Variants in TTC21B observed in about 807,000 individuals in gnomAD.
TTC21B encodes the protein tetratricopeptide repeat domain 21B, also known as tetratricopeptide repeat protein 21B.
In TTC21B, 127 loss-of-function variants were observed where a neutral mutation model predicts 175.1. The observed-to-expected ratio is 0.73, with a 90% CI of 0.63 to 0.84. The LOEUF is 0.84. TTC21B is among the 40% of genes least tolerant of loss of function. TTC21B has a pLI of 0.00. For synonymous variants in TTC21B, 524 were observed against 524.5 expected (o/e 1.00, Z 0.01); for missense variants, 1,561 against 1,558.3 (o/e 1.00, Z -0.03).
chr2:165,896,104 C>T (rs183933465), intron 22 of TTC21B, among the ~76,000 whole-genome samples: 8 of 95,752 alleles, frequency 8.4e-5, no homozygotes, highest in East Asian at 3.4e-4. Flanking sequence ...AGGATTGCCA[C>T]CTCTGTGTCT....
intron 27 of TTC21B, among the ~76,000 whole-genome samples, chr2:165,876,659 T>C (rs1047258150): frequency 6.6e-6 from 1 of 152,178 alleles, no homozygotes; most frequent in African/African-American, 2.4e-5. Flanking sequence ...TTGCATTCTA[T>C]TAGGAGAAAA....
At chr2:165,878,985 A>G (rs1684759055) in intron 27 of TTC21B, among the ~76,000 whole-genome samples, 1 of 152,080 alleles carries the variant, frequency 6.6e-6, no homozygotes, top group Non-Finnish European at 1.5e-5. Context: ...CCTGGCCATG[A>G]GCATGATTTT....
At chr2:165,932,480 T>C (rs916253307) in intron 7 of TTC21B, among the ~76,000 whole-genome samples, 1 of 152,292 alleles carries the variant, frequency 6.6e-6, no homozygotes, top group South Asian at 2.1e-4. Context: ...TGGCACTCCA[T>C]GATCCAATCT....
chr2:165,887,490 C>A (rs1163508239), intron 25 of TTC21B, among the ~76,000 whole-genome samples: 3 of 151,998 alleles, frequency 2.0e-5, no homozygotes, highest in Non-Finnish European at 4.4e-5. Flanking sequence ...GAGTTTGAGA[C>A]CAGCCTGGCG....
chr2:165,946,746 G>A (rs937002456), intron 3 of TTC21B, among the ~76,000 whole-genome samples: 6 of 151,988 alleles, frequency 3.9e-5, no homozygotes, highest in African/African-American at 1.5e-4. Flanking sequence ...CTGAGGCAGG[G>A]AGAATTGCTT....
chr2:165,948,770 G>C (rs747574646), intron 3 of TTC21B: 4 of 152,288 alleles, frequency 2.6e-5, no homozygotes, highest in Admixed American at 2.0e-4. Flanking sequence ...GCCCAGGCTG[G>C]CCTCGAACTC....
At chr2:165,923,743 GT>G (rs1190876494) in intron 12 of TTC21B, among the ~76,000 whole-genome samples, 5,141 of 107,244 alleles carry the variant, frequency 0.048, 149 homozygotes, top group African/African-American at 0.082. Context: ...CGCCCAGCTG[GT>G]TTTTTTTTTT....
intron 6 of TTC21B, among the ~76,000 whole-genome samples, chr2:165,934,291 A>G (rs1293040559): frequency 1.3e-5 from 2 of 151,932 alleles, no homozygotes; most frequent in Non-Finnish European, 2.9e-5. Context: ...CGAAAAAAAG[A>G]GCCAACAAAA....
In TTC21B at chr2:165,897,039, C is replaced by G. The variant is rs550438661; in HGVS notation, c.2950+1647G>C. Reference sequence around the variant, plus strand: ...CTTGAACCATGAGGTGATGCTCAGGCAAGTCAGGGTAACAACGTAGAACAA... The same window carrying G: ...CTTGAACCATGAGGTGATGCTCAGGGAAGTCAGGGTAACAACGTAGAACAA... On this transcript the variant is annotated intron_variant, in intron 22 of 28. Transcript: ENST00000243344. Among the ~76,000 whole-genome samples the G allele has an allele frequency of 2.0e-5, 3 of 152,222 alleles. No homozygotes were observed. The South Asian group carries it at 6.2e-4, about 32-fold the overall frequency.
At position 165,915,394 on chromosome 2, in the gene TTC21B, C is replaced by T; in HGVS notation, c.1945G>A (p.Gly649Arg). 3 of 1,614,044 alleles carry T rather than the reference C, an allele frequency of 1.9e-6. No homozygotes were observed. Among genetic ancestry groups the T allele is most frequent in the Non-Finnish European group, 2.5e-6 (3 of 1,179,980 alleles). ...GTAACCCGCACTTCTTCAGATGTTC[C>T]AGAAAATTCATGGATGGCATCTTGT... ...VLQDAIHEFS[G>R]TSEEVRVTIA... The change falls in exon 15 of 29, where the codon GGA (glycine) becomes AGA (arginine). Residue 649 changes from glycine to arginine, a missense_variant. Coordinates refer to ENST00000243344, the MANE Select transcript of TTC21B (RefSeq NM_024753.5).
intron 22 of TTC21B, among the ~76,000 whole-genome samples, chr2:165,892,988 T>C (rs1225141878): frequency 6.6e-6 from 1 of 152,202 alleles, no homozygotes; most frequent in African/African-American, 2.4e-5. Context: ...ATTTGTCCCC[T>C]TGACACACAA....
intron 11 of TTC21B, among the ~76,000 whole-genome samples, chr2:165,927,680 G>GT (rs1199537008): frequency 6.6e-6 from 1 of 151,746 alleles, no homozygotes; most frequent in Admixed American, 6.6e-5. Flanking sequence ...TGAAAAAAAT[G>GT]TATTCCAACT....
rs1041233422 is a variant in TTC21B, at chr2:165,915,414, T to C, written c.1925A>G (p.Asp642Gly). The C allele has an allele frequency of 1.9e-6, 3 of 1,614,118 alleles. No individual in the cohort carries two copies. Among genetic ancestry groups the C allele is most frequent in the Non-Finnish European group, 8.5e-7 (1 of 1,179,958 alleles). Residue 642 changes from aspartate to glycine, a missense_variant, in exon 15 of 29, where the codon GAT becomes GGT. Physicochemically the swap from Asp to Gly is moderately conservative, Grantham distance 94 (BLOSUM62 -1). Transcript: ENST00000243344. ...TGTTCCAGAAAATTCATGGATGGCA[T>C]CTTGTAAAACTTTGGTTGCCTCATG... is the stretch of plus-strand genomic sequence containing the variant. ...EQHEATKVLQ[D>G]AIHEFSGTSE... is the part of the protein sequence containing the mutation.
At position 165,945,710 on chromosome 2, in the gene TTC21B, T is replaced by C; in HGVS notation, c.263-20A>G. The C allele has an allele frequency of 1.2e-6, 2 of 1,608,662 alleles. No homozygotes were observed. Among genetic ancestry groups the C allele is most frequent in the Non-Finnish European group, 1.7e-6 (2 of 1,178,204 alleles). On this transcript the variant is annotated intron_variant, in intron 3 of 28. Coordinates refer to ENST00000243344, the MANE Select transcript of TTC21B (RefSeq NM_024753.5). The stretch of plus-strand genomic sequence containing the variant: ...CTCTATCTGGTAGGGGAAAATGATA[T>C]TAAATAAAAATTAAATTCTGGATCA...
intron 25 of TTC21B, among the ~76,000 whole-genome samples, chr2:165,884,494 CT>C (rs34200122): frequency 5.9e-5 from 9 of 152,232 alleles, no homozygotes; most frequent in African/African-American, 1.7e-4. Flanking sequence ...ACTTCTATTG[CT>C]TTTTTTCCCC....
intron 19 of TTC21B, among the ~76,000 whole-genome samples, chr2:165,903,360 A>C (rs926875630): frequency 1.3e-5 from 2 of 152,224 alleles, no homozygotes; most frequent in Non-Finnish European, 2.9e-5. Context: ...CTGATCAAAT[A>C]ATTAGAAGAA....
At chr2:165,943,451 C>G in intron 4 of TTC21B, 110 bp from the exon 5 acceptor site, 1 of 856,888 alleles carries the variant, frequency 1.2e-6, no homozygotes, top group Non-Finnish European at 1.8e-6. Flanking sequence ...AGGACTCTAT[C>G]AAATATGTTA....
At chr2:165,890,747 A>G in intron 23 of TTC21B, 91 bp downstream of exon 23, 1 of 1,541,370 alleles carries the variant, frequency 6.5e-7, no homozygotes, top group South Asian at 1.2e-5. Flanking sequence ...TTTGAAATGT[A>G]CATTTTTTTT....
At chr2:165,925,517 T>C (rs892923599) in intron 11 of TTC21B, among the ~76,000 whole-genome samples, 5 of 152,164 alleles carry the variant, frequency 3.3e-5, no homozygotes, top group Non-Finnish European at 4.4e-5. Context: ...AGCTCTTCAA[T>C]TGGACTGTGC....
Sources: gnomAD v4.1 joint callset for allele counts (sites outside exome capture counted in the v4.1 genomes callset) on GRCh38, gnomAD v4.1.1 for gene constraint, MANE v1.5 for transcripts, NCBI Gene and HGNC (gene_info 2026-07-23, HGNC 2026-07-21) for gene names.